MAGI3: variants seen among roughly 807,000 people sequenced by gnomAD.
MAGI3 encodes the protein membrane-associated guanylate kinase, WW and PDZ domain-containing protein 3.
A neutral mutation model predicts 121.8 loss-of-function variants in MAGI3; 43 were observed. That is an observed-to-expected ratio of 0.35 (90% CI 0.28 to 0.46). The LOEUF (loss-of-function observed/expected upper bound fraction) is 0.46, where lower values mean the gene tolerates loss of function less well. Ranked by LOEUF, MAGI3 falls within the 20% of genes least tolerant of loss-of-function variation. MAGI3 has a pLI of 1.00. For synonymous variants in MAGI3, 553 were observed against 639.3 expected (o/e 0.86, Z 2.04); for missense variants, 1,547 against 1,797.3 (o/e 0.86, Z 2.52).
intron 1 of MAGI3, among the ~76,000 whole-genome samples, chr1:113,459,154 C>T (rs888598121): frequency 6.6e-6 from 1 of 152,010 alleles, no homozygotes; most frequent in Admixed American, 6.5e-5. Flanking sequence ...TGTCAAAAGG[C>T]AGTATTTTTG....
intron 9 of MAGI3, among the ~76,000 whole-genome samples, chr1:113,637,326 G>A (rs1223285075): frequency 3.9e-5 from 6 of 152,124 alleles, no homozygotes; most frequent in African/African-American, 1.2e-4. Flanking sequence ...TCCTAGCCTC[G>A]ATGGTCTTTA....
chr1:113,614,496 C>G (rs1650339617), intron 6 of MAGI3, 105 bp from the exon 7 acceptor site: 2 of 881,232 alleles, frequency 2.3e-6, no homozygotes, highest in Non-Finnish European at 3.7e-6. Context: ...CCTCAGCTTT[C>G]TGACACCCAA....
chr1:113,405,861 T>A (rs1385082758), intron 1 of MAGI3, among the ~76,000 whole-genome samples: 1 of 152,162 alleles, frequency 6.6e-6, no homozygotes, highest in East Asian at 1.9e-4. Context: ...TGCAGTGCTC[T>A]TAACTTCTCC....
At chr1:113,481,510 A>G (rs1656110986) in intron 1 of MAGI3, among the ~76,000 whole-genome samples, 1 of 151,984 alleles carries the variant, frequency 6.6e-6, no homozygotes, top group South Asian at 2.1e-4. Context: ...GTAGATTTTT[A>G]CCTTTGTTTT....
chr1:113,617,547 A>C (rs529509445), intron 7 of MAGI3, among the ~76,000 whole-genome samples: 1 of 152,272 alleles, frequency 6.6e-6, no homozygotes, highest in South Asian at 2.1e-4. Flanking sequence ...CTTTTGTCAA[A>C]TTTTTAGGAA....
chr1:113,441,247 A>C (rs1482143687), intron 1 of MAGI3, among the ~76,000 whole-genome samples: 1 of 152,106 alleles, frequency 6.6e-6, no homozygotes, highest in African/African-American at 2.4e-5. Context: ...GGGATCTGCT[A>C]TAGTTCTGCC....
intron 4 of MAGI3, among the ~76,000 whole-genome samples, chr1:113,588,096 G>T (rs966818358): frequency 6.6e-6 from 1 of 152,180 alleles, no homozygotes; most frequent in Non-Finnish European, 1.5e-5. Context: ...AACATACATC[G>T]TGTGTTAGAT....
intron 1 of MAGI3, among the ~76,000 whole-genome samples, chr1:113,423,273 T>C (rs1368579361): frequency 7.4e-6 from 1 of 135,250 alleles, no homozygotes; most frequent in Non-Finnish European, 1.6e-5. Flanking sequence ...GGGGGGGTTG[T>C]TTTTGTTTTT....
chr1:113,609,645 TA>T (rs1650000076), intron 6 of MAGI3, among the ~76,000 whole-genome samples: 1 of 152,150 alleles, frequency 6.6e-6, no homozygotes. Context: ...AGAGAATGAT[TA>T]AAAAAATTAT....
At chr1:113,585,690 T>C (rs1467592878) in intron 4 of MAGI3, 94 bp downstream of exon 4, 5 of 1,074,374 alleles carry the variant, frequency 4.7e-6, no homozygotes, top group Non-Finnish European at 6.8e-6. Context: ...ACAAAGCATA[T>C]GGAGAGCAAG....
chr1:113,474,536 C>G (rs961430715), intron 1 of MAGI3, among the ~76,000 whole-genome samples: 2 of 152,150 alleles, frequency 1.3e-5, no homozygotes, highest in Admixed American at 6.5e-5. Context: ...ATCCCCATTT[C>G]TTGTTTTTGT....
intron 6 of MAGI3, among the ~76,000 whole-genome samples, chr1:113,603,261 A>T (rs115648615): frequency 0.019 from 2,941 of 152,284 alleles, 52 homozygotes; most frequent in South Asian, 0.041. Context: ...AAATTCATGG[A>T]AACATACAAC....
intron 2 of MAGI3, among the ~76,000 whole-genome samples, chr1:113,554,491 A>G (rs1467513439): frequency 6.6e-6 from 1 of 151,654 alleles, no homozygotes; most frequent in African/African-American, 2.4e-5. Flanking sequence ...GGGAGGGGAG[A>G]GATTTCTACT....
chr1:113,548,635 AACATG>A (rs1659640717), intron 1 of MAGI3, among the ~76,000 whole-genome samples: 1 of 152,234 alleles, frequency 6.6e-6, no homozygotes. Context: ...CTGGAGCCAG[AACATG>A]TAGGGCCTTC....
chr1:113,618,184 T>TG (rs1650593596), intron 7 of MAGI3, among the ~76,000 whole-genome samples: 3 of 151,960 alleles, frequency 2.0e-5, no homozygotes, highest in Middle Eastern at 3.2e-3. Flanking sequence ...AAAATTTTTT[T>TG]TAATTAGCTG....
chr1:113,438,001 G>A (rs763122200), intron 1 of MAGI3, among the ~76,000 whole-genome samples: 7 of 148,098 alleles, frequency 4.7e-5, no homozygotes, highest in Non-Finnish European at 7.4e-5. Context: ...TCTATGTTGC[G>A]CAGGCTGGTC....
intron 1 of MAGI3, among the ~76,000 whole-genome samples, chr1:113,427,134 A>G (rs187921126): frequency 6.6e-6 from 1 of 152,178 alleles, no homozygotes; most frequent in East Asian, 1.9e-4. Context: ...TTGTGATGTT[A>G]TTTTGATCTG....
intron 2 of MAGI3, among the ~76,000 whole-genome samples, chr1:113,561,013 A>C (rs1660212744): frequency 6.6e-6 from 1 of 152,242 alleles, no homozygotes; most frequent in Non-Finnish European, 1.5e-5. Context: ...TAGAAAATCT[A>C]GAAGAAAATG....
chr1:113,587,770 T>A (rs1263268126), intron 4 of MAGI3, among the ~76,000 whole-genome samples: 1 of 152,244 alleles, frequency 6.6e-6, no homozygotes, highest in African/African-American at 2.4e-5. Flanking sequence ...TGCTTGGAAC[T>A]ATATTAAGAA....
Sources: allele counts gnomAD v4.1 joint callset (sites outside exome capture counted in the v4.1 genomes callset), GRCh38; gene constraint gnomAD v4.1.1; transcripts MANE v1.5; gene names NCBI Gene and HGNC (gene_info 2026-07-23, HGNC 2026-07-21).